The following ERCC6 variants were observed in gnomAD, a reference collection of about 807,000 sequenced individuals.
ERCC6 encodes the protein DNA excision repair protein ERCC-6.
A neutral mutation model predicts 158.7 loss-of-function variants in ERCC6; 116 were observed. That is an observed-to-expected ratio of 0.73 (90% CI 0.63 to 0.85). The LOEUF is 0.85. Ranked by LOEUF, ERCC6 falls within the 40% of genes least tolerant of loss-of-function variation. The pLI is 0.00. For missense variants in ERCC6, 1,698 were observed against 1,799.4 expected, an observed-to-expected ratio of 0.94 and a Z score of 1.02; for synonymous variants, 678 against 659.3, an observed-to-expected ratio of 1.03 and a Z score of -0.43.
chr10:49,458,911 C>T lies in ERCC6; in HGVS notation c.4386G>A (p.Gln1462=), dbSNP rs202245893. Residue 1462 remains glutamine (Q), a synonymous_variant, in exon 21 of 21, where the codon CAG becomes CAA. Transcript: ENST00000355832. ...TCAATAGTTCTCGGAAGACACAAGACTGTGATGCAGATAACTTGGATTCAA... is the reference window on the plus strand; with the variant it reads ...TCAATAGTTCTCGGAAGACACAAGATTGTGATGCAGATAACTTGGATTCAA... The part of the protein sequence containing the change: ...QEFESKLSAS[Q]SCVFRELLRN... The T allele has an allele frequency of 1.2e-6, 2 of 1,614,216 alleles. No individual in the cohort carries two copies. Among genetic ancestry groups the T allele is most frequent in the East Asian group, 4.5e-5 (2 of 44,888 alleles).
intron 5 of ERCC6, among the ~76,000 whole-genome samples, chr10:49,510,706 G>A (rs1048564266): frequency 4.6e-5 from 7 of 152,188 alleles, no homozygotes; most frequent in African/African-American, 4.8e-5. Flanking sequence ...ATGGCAGACC[G>A]TTAAGTGCTG....
At chr10:49,497,006 A>G (rs1851277891) in intron 7 of ERCC6, among the ~76,000 whole-genome samples, 1 of 152,178 alleles carries the variant, frequency 6.6e-6, no homozygotes, top group Non-Finnish European at 1.5e-5. Context: ...AAAATAACCT[A>G]TGTCCACTTT....
Position 49,524,052 on chromosome 10 carries a change from A to C in ERCC6, c.1378T>G (p.Tyr460Asp), listed in dbSNP as rs760280622. 6.2e-6 allele frequency: 10 copies of C among 1,613,364 alleles called. No individual in the cohort carries two copies. The highest frequency in any genetic ancestry group is 1.7e-6 in the Non-Finnish European group (2 of 1,179,980). ...GRYRDDGDED[Y>D]YKQRLRRWNK... Reference sequence around the variant, plus strand: ...ACCGACCTTAACCGCTGCTTATAATAATCTTCATCTCCATCATCTCGGTAT... The same window carrying C: ...ACCGACCTTAACCGCTGCTTATAATCATCTTCATCTCCATCATCTCGGTAT... The change falls in exon 5 of 21, where the codon TAT (tyrosine) becomes GAT (aspartate). Residue 460 changes from tyrosine to aspartate, a missense_variant. Tyr to Asp is a radical substitution (Grantham distance 160). Transcript: ENST00000355832.
At chr10:49,439,203 G>A in the ERCC6 span, among the ~76,000 whole-genome samples, 1 of 152,222 alleles carries the variant, frequency 6.6e-6, no homozygotes, top group Non-Finnish European at 1.5e-5. Context: ...TTCTCCATGA[G>A]TGCCCCGCCC....
chr10:49,522,384 G>A (rs538428236), intron 5 of ERCC6, among the ~76,000 whole-genome samples: 81 of 152,312 alleles, frequency 5.3e-4, no homozygotes, highest in African/African-American at 1.9e-3. Flanking sequence ...GATATCTGCA[G>A]TTTAACAGCC....
upstream of ERCC6, among the ~76,000 whole-genome samples, chr10:49,539,201 C>T (rs1837681154): frequency 6.6e-6 from 1 of 152,258 alleles, no homozygotes; most frequent in Admixed American, 6.5e-5. Context: ...CAGCGCCTTT[C>T]TACTTGCGTG....
chr10:49,479,830 C>T (rs1255451349), intron 10 of ERCC6, among the ~76,000 whole-genome samples: 1 of 152,182 alleles, frequency 6.6e-6, no homozygotes, highest in East Asian at 1.9e-4. Flanking sequence ...TCTTCTGTTT[C>T]ACTCCCAACT....
intron 5 of ERCC6, among the ~76,000 whole-genome samples, chr10:49,512,832 T>C (rs761501309): frequency 9.2e-5 from 14 of 152,256 alleles, no homozygotes; most frequent in Non-Finnish European, 1.5e-4. Flanking sequence ...ACCCAACATA[T>C]GAGGTCAAAT....
chr10:49,504,302 A>G (rs967909764), intron 6 of ERCC6: 1 of 152,160 alleles, frequency 6.6e-6, no homozygotes, highest in African/African-American at 2.4e-5. Context: ...TGCAGAGATT[A>G]AAAAAACACA....
chr10:49,460,750 G>A (rs192870759), intron 19 of ERCC6, among the ~76,000 whole-genome samples: 72 of 152,146 alleles, frequency 4.7e-4, no homozygotes, highest in East Asian at 4.3e-3. Flanking sequence ...GTGAAATCCC[G>A]TCTCTACTAA....
chr10:49,523,811 A>G (rs1286472998), intron 5 of ERCC6, among the ~76,000 whole-genome samples: 1 of 152,042 alleles, frequency 6.6e-6, no homozygotes. Flanking sequence ...ACTTGCCTCC[A>G]AATCCAACTA....
In ERCC6 at chr10:49,483,397, T is replaced by C. The variant is rs1367244672; in HGVS notation, c.1941A>G (p.Glu647=). 1.2e-6 allele frequency: 2 copies of C among 1,614,046 alleles called. No individual in the cohort carries two copies. Among genetic ancestry groups the C allele is most frequent in the East Asian group, 2.2e-5 (1 of 44,884 alleles). The change falls in exon 9 of 21, where the codon GAA becomes GAG. Residue 647 remains glutamate (E), a synonymous_variant. Coordinates refer to ENST00000355832, the MANE Select transcript of ERCC6 (RefSeq NM_000124.4). ...CATTTGGATTTCGAATTTTGTGTCC[T>C]TCGTCCAAGATCACATAGTGCCAGT... ...RYDWHYVILD[E]GHKIRNPNAA... is the part of the protein sequence containing the mutation.
At chr10:49,525,000 T>G (rs1216598016) in intron 4 of ERCC6, 1 of 1,134,602 alleles carries the variant, frequency 8.8e-7, no homozygotes, top group African/African-American at 1.6e-5. Flanking sequence ...CTCAGTAACT[T>G]TTCCCCAAAA....
At chr10:49,453,175 G>T (rs1340992460), downstream of ERCC6, among the ~76,000 whole-genome samples, 10 of 151,968 alleles carry the variant, frequency 6.6e-5, no homozygotes, top group Admixed American at 4.6e-4. Context: ...TTTGATTAAT[G>T]ATTTTTCAAC....
the ERCC6 span, among the ~76,000 whole-genome samples, chr10:49,444,004 A>G: frequency 1.3e-5 from 2 of 152,214 alleles, no homozygotes; most frequent in African/African-American, 4.8e-5. Flanking sequence ...ACCACATAGG[A>G]TAAGAAGGAA....
At chr10:49,493,621 T>C (rs1851214639) in intron 7 of ERCC6, among the ~76,000 whole-genome samples, 2 of 152,232 alleles carry the variant, frequency 1.3e-5, no homozygotes, top group African/African-American at 2.4e-5. Context: ...TAAGTGAACA[T>C]AATAGAATCT....
chr10:49,492,078 T>C (rs1417694971), intron 8 of ERCC6, among the ~76,000 whole-genome samples: 1 of 152,224 alleles, frequency 6.6e-6, no homozygotes, highest in Non-Finnish European at 1.5e-5. Context: ...GCAAAGTCAG[T>C]TGGTTTTAAC....
intron 13 of ERCC6, 69 bp from the exon 14 acceptor site, chr10:49,473,656 T>C (rs1850823176): frequency 5.6e-6 from 5 of 900,446 alleles, no homozygotes; most frequent in Non-Finnish European, 9.5e-6. Flanking sequence ...TCTCTATTTG[T>C]GTAAATGGTA....
chr10:49,506,087 G>A, intron 5 of ERCC6, 75 bp from the exon 6 acceptor site: 1 of 1,578,214 alleles, frequency 6.3e-7, no homozygotes, highest in Non-Finnish European at 8.7e-7. Flanking sequence ...TCCTGATAAT[G>A]TACAAGAAAA....
Sources: allele counts gnomAD v4.1 joint callset (sites outside exome capture counted in the v4.1 genomes callset), GRCh38; gene constraint gnomAD v4.1.1; transcripts MANE v1.5; gene names NCBI Gene and HGNC (gene_info 2026-07-23, HGNC 2026-07-21).